TRPS1: variants seen among roughly 807,000 people sequenced by gnomAD.
TRPS1 encodes transcriptional repressor GATA binding 1.
TRPS1 carries 6 observed loss-of-function variants against 101.2 expected under a neutral mutation model. That is an observed-to-expected ratio of 0.06 (90% CI 0.03 to 0.12). The LOEUF is 0.12. Ranked by LOEUF, TRPS1 falls within the 10% of genes least tolerant of loss-of-function variation. The pLI is 1.00. For missense variants in TRPS1, 1,363 were observed against 1,567.0 expected, an observed-to-expected ratio of 0.87 and a Z score of 2.20; for synonymous variants, 578 against 589.8, an observed-to-expected ratio of 0.98 and a Z score of 0.29.
At chr8:115,466,556 GA>G (rs1814323762) in intron 5 of TRPS1, among the ~76,000 whole-genome samples, 1 of 152,014 alleles carries the variant, frequency 6.6e-6, no homozygotes, top group East Asian at 1.9e-4. Context: ...AGCTTATGTC[GA>G]AGGAAACTTC....
At chr8:115,505,238 T>C (rs570040644) in intron 5 of TRPS1, among the ~76,000 whole-genome samples, 1 of 152,254 alleles carries the variant, frequency 6.6e-6, no homozygotes, top group Non-Finnish European at 1.5e-5. Flanking sequence ...GTCTACACCA[T>C]GTTTGAAATA....
intron 5 of TRPS1, among the ~76,000 whole-genome samples, chr8:115,560,642 T>C (rs1237802640): frequency 6.6e-6 from 1 of 152,134 alleles, no homozygotes; most frequent in Non-Finnish European, 1.5e-5. Flanking sequence ...TTACAAAGTT[T>C]ACTTTTATCA....
chr8:115,517,468 G>C (rs1815743946), intron 5 of TRPS1, among the ~76,000 whole-genome samples: 1 of 151,656 alleles, frequency 6.6e-6, no homozygotes, highest in Non-Finnish European at 1.5e-5. Flanking sequence ...GAGAAAGAGA[G>C]AGAGAGACGA....
rs745384526 is a variant in TRPS1 at position 115,587,047 on chromosome 8, G to A, written c.2654C>T (p.Ala885Val). The A allele has an allele frequency of 4.6e-5, 74 of 1,614,072 alleles. 1 individual carries two copies. The East Asian group carries it at 1.6e-3, about 35-fold the overall frequency. ...KSGALPQQYP[A>V]SGENKSKDES... ...ATCCTTGGACTTGTTTTCTCCCGATGCAGGATACTGCTGGGGGAGGGCCCC... is the reference window on the plus strand; with the variant it reads ...ATCCTTGGACTTGTTTTCTCCCGATACAGGATACTGCTGGGGGAGGGCCCC... The change falls in exon 5 of 7, where the codon GCA becomes GTA. Residue 885 changes from alanine (A) to valine (V), a missense_variant. By Grantham distance (64) the Ala-to-Val change is moderately conservative. Transcript: ENST00000395715.
At chr8:115,623,081 G>A (rs985252043) in intron 2 of TRPS1, among the ~76,000 whole-genome samples, 1 of 151,996 alleles carries the variant, frequency 6.6e-6, no homozygotes, top group Non-Finnish European at 1.5e-5. Context: ...GAGAAAATAT[G>A]ACTTAATTAA....
intron 5 of TRPS1, among the ~76,000 whole-genome samples, chr8:115,420,498 A>T (rs1813027178): frequency 6.6e-6 from 1 of 152,220 alleles, no homozygotes. Flanking sequence ...ATTAACCCAC[A>T]TATATGGCTG....
At chr8:115,489,957 T>C (rs1814979516) in intron 5 of TRPS1, among the ~76,000 whole-genome samples, 1 of 152,126 alleles carries the variant, frequency 6.6e-6, no homozygotes, top group Admixed American at 6.5e-5. Flanking sequence ...TTGTTTCCAT[T>C]AAAAGTTACT....
intron 1 of TRPS1, among the ~76,000 whole-genome samples, chr8:115,630,238 GACAT>G (rs1818608944): frequency 6.6e-6 from 1 of 151,924 alleles, no homozygotes; most frequent in Admixed American, 6.6e-5. Context: ...ATAGTGATGT[GACAT>G]ACAGGAGTAA....
At chr8:115,639,284 G>C (rs1818840845) in intron 1 of TRPS1, among the ~76,000 whole-genome samples, 2 of 152,050 alleles carry the variant, frequency 1.3e-5, no homozygotes, top group Admixed American at 1.3e-4. Context: ...GCACAGGCTG[G>C]TCTCGAACTC....
chr8:115,480,086 A>C (rs1221158973), intron 5 of TRPS1, among the ~76,000 whole-genome samples: 1 of 152,140 alleles, frequency 6.6e-6, no homozygotes, highest in African/African-American at 2.4e-5. Flanking sequence ...TTTAAATTTC[A>C]AAGGTGTTCA....
intron 1 of TRPS1, among the ~76,000 whole-genome samples, chr8:115,628,843 A>C (rs1818571910): frequency 6.6e-6 from 1 of 151,872 alleles, no homozygotes; most frequent in Non-Finnish European, 1.5e-5. Flanking sequence ...GCTTCAAAAA[A>C]AGAAAATGAA....
At chr8:115,668,040 T>G in intron 1 of TRPS1, 5 of 672,448 alleles carry the variant, frequency 7.4e-6, no homozygotes, top group East Asian at 3.3e-5. Flanking sequence ...CGAGGGGGAG[T>G]GGGGCTGCGA....
chr8:115,439,871 T>G (rs970070262), intron 5 of TRPS1, among the ~76,000 whole-genome samples: 1 of 152,236 alleles, frequency 6.6e-6, no homozygotes, highest in Non-Finnish European at 1.5e-5. Context: ...CCATGGCACA[T>G]TGCAGAGACA....
Position 115,604,481 on chromosome 8 carries a change from C to G in TRPS1, c.1488G>C (p.Gln496His), listed in dbSNP as rs1384230963. ...DKLSRGSVIN[Q>H]NDLAKSSEGE... ...CTTCTGAACTTTTGGCTAGATCATT[C>G]TGATTAATGACAGAGCCCCTGGAAA... Residue 496 changes from glutamine to histidine, a missense_variant, in exon 4 of 7, where the codon CAG becomes CAC. Gln to His is a conservative substitution (Grantham distance 24). Coordinates refer to ENST00000395715, the MANE Select transcript of TRPS1 (RefSeq NM_014112.5). The surrounding 1 kb of genome is among the most constrained non-coding windows in gnomAD (Gnocchi z 4.1). 6.2e-7 allele frequency: 1 copy of G among 1,614,108 alleles called. No individual in the cohort carries two copies. The highest frequency in any genetic ancestry group is 1.1e-5 in the South Asian group (1 of 91,086).
intron 5 of TRPS1, among the ~76,000 whole-genome samples, chr8:115,438,654 A>T (rs1172699107): frequency 6.6e-6 from 1 of 152,138 alleles, no homozygotes; most frequent in Admixed American, 6.6e-5. Context: ...GGATTTAAAG[A>T]ATAATTCATC....
chr8:115,642,206 C>G (rs77580553), intron 1 of TRPS1, among the ~76,000 whole-genome samples: 3,987 of 135,368 alleles, frequency 0.029, 189 homozygotes, highest in African/African-American at 0.1. Flanking sequence ...ACAGCAAGAC[C>G]CTATCTCAAA....
chr8:115,526,176 G>C (rs1018549337), intron 5 of TRPS1, among the ~76,000 whole-genome samples: 1 of 152,140 alleles, frequency 6.6e-6, no homozygotes, highest in African/African-American at 2.4e-5. Flanking sequence ...AGGTGTGGTA[G>C]TGCGTGCCTG....
intron 5 of TRPS1, among the ~76,000 whole-genome samples, chr8:115,556,123 G>A (rs1032402342): frequency 3.3e-5 from 5 of 152,166 alleles, no homozygotes; most frequent in African/African-American, 1.2e-4. Flanking sequence ...CTCAAACAGG[G>A]ATGGTAAAAG....
chr8:115,652,195 G>A (rs2130611817), intron 1 of TRPS1, among the ~76,000 whole-genome samples: 1 of 152,292 alleles, frequency 6.6e-6, no homozygotes, highest in Non-Finnish European at 1.5e-5. Context: ...TCCAATTCAC[G>A]TGAGAGATGC....
Sources: allele counts gnomAD v4.1 joint callset (sites outside exome capture counted in the v4.1 genomes callset), GRCh38; gene constraint gnomAD v4.1.1; non-coding constraint Gnocchi (gnomAD v3.1); transcripts MANE v1.5; gene names NCBI Gene and HGNC (gene_info 2026-07-23, HGNC 2026-07-21).